VAPB: variants seen among roughly 807,000 people sequenced by gnomAD.
VAPB encodes VAMP associated protein B and C, also known as vesicle-associated membrane protein-associated protein B/C.
VAPB carries 7 observed loss-of-function variants against 25.6 expected under a neutral mutation model. The ratio of observed to expected loss-of-function variants is 0.27; its 90% confidence interval spans 0.16 to 0.51. The LOEUF (loss-of-function observed/expected upper bound fraction) is 0.51, where lower values mean the gene tolerates loss of function less well. Ranked by LOEUF, VAPB falls within the 20% of genes least tolerant of loss-of-function variation. The pLI, the probability that VAPB is intolerant of heterozygous loss-of-function variation, is 0.97. For synonymous variants in VAPB, 112 were observed against 109.2 expected (o/e 1.03, Z -0.16); for missense variants, 266 against 301.3 (o/e 0.88, Z 0.87).
chr20:58,397,929 G>A (rs1277918992), intron 1 of VAPB, among the ~76,000 whole-genome samples: 3 of 152,082 alleles, frequency 2.0e-5, no homozygotes, highest in Non-Finnish European at 4.4e-5. Flanking sequence ...ACGATGATAC[G>A]CCAGGCATAC....
intron 5 of VAPB, among the ~76,000 whole-genome samples, chr20:58,441,504 T>C (rs1056761921): frequency 6.6e-6 from 1 of 152,126 alleles, no homozygotes; most frequent in Non-Finnish European, 1.5e-5. Flanking sequence ...TAGTTGGGTG[T>C]GGTGGCAGGT....
intron 1 of VAPB, among the ~76,000 whole-genome samples, chr20:58,411,327 G>A (rs1988372570): frequency 1.3e-5 from 2 of 152,146 alleles, no homozygotes; most frequent in African/African-American, 4.8e-5. Context: ...TGTCGCCCAG[G>A]CTGAAGTGCA....
chr20:58,437,569 A>G (rs1308985843), intron 3 of VAPB, among the ~76,000 whole-genome samples: 2 of 152,200 alleles, frequency 1.3e-5, no homozygotes, highest in Non-Finnish European at 2.9e-5. Flanking sequence ...GACCATGTGA[A>G]TATCCTGCTC....
chr20:58,432,724 A>G (rs1270790223), intron 2 of VAPB, among the ~76,000 whole-genome samples: 1 of 152,212 alleles, frequency 6.6e-6, no homozygotes, highest in Non-Finnish European at 1.5e-5. Context: ...CAGGAAAAAA[A>G]CACATTGGGA....
chr20:58,423,414 C>CAAAAAAAA lies in VAPB; in HGVS notation c.211+5079_211+5086dup, dbSNP rs59133081. Among the ~76,000 whole-genome samples, 276 of 34,762 alleles carry CAAAAAAAA rather than the reference C, an allele frequency of 7.9e-3. 45 individuals are homozygous for CAAAAAAAA. The highest frequency in any genetic ancestry group is 9.7e-3 in the Non-Finnish European group (195 of 20,132). 22.8% of individuals were successfully genotyped at this position (34,762 alleles called of 152,430 possible). A position where few individuals can be genotyped will look rare whatever the true frequency, so the allele number is the denominator to read the frequency against. ...GCAACAAGAGAGAAACTCCATCTCA[C>CAAAAAAAA]AAAAAAAAAAAAAAAAAAAAAAAAA... On this transcript the variant is annotated intron_variant, in intron 2 of 5. Coordinates refer to ENST00000475243, the MANE Select transcript of VAPB (RefSeq NM_004738.5).
chr20:58,425,867 GA>G (rs1343764483), intron 2 of VAPB, among the ~76,000 whole-genome samples: 1 of 152,022 alleles, frequency 6.6e-6, no homozygotes, highest in Non-Finnish European at 1.5e-5. Flanking sequence ...TTTCCCTCCA[GA>G]ATTCTTATTT....
At chr20:58,390,502 A>G (rs1337936762) in intron 1 of VAPB, among the ~76,000 whole-genome samples, 6 of 151,604 alleles carry the variant, frequency 4.0e-5, no homozygotes, top group Non-Finnish European at 7.4e-5. Context: ...TGATGGATGC[A>G]CAAGACAGAT....
At chr20:58,406,064 T>C (rs1180307382) in intron 1 of VAPB, among the ~76,000 whole-genome samples, 2 of 151,972 alleles carry the variant, frequency 1.3e-5, no homozygotes, top group Admixed American at 1.3e-4. Context: ...ATGAGAAGCA[T>C]TGAGTTTGAG....
intron 1 of VAPB, among the ~76,000 whole-genome samples, chr20:58,396,857 G>A (rs991423594): frequency 6.6e-6 from 1 of 152,186 alleles, no homozygotes; most frequent in African/African-American, 2.4e-5. Flanking sequence ...TGTAACAATC[G>A]TATGAGATGA....
intron 2 of VAPB, among the ~76,000 whole-genome samples, chr20:58,426,585 A>G (rs775017660): frequency 1.3e-5 from 2 of 152,200 alleles, no homozygotes; most frequent in Non-Finnish European, 2.9e-5. Context: ...AGGCCTGCCA[A>G]TAAGAGACCA....
At position 58,447,907 on chromosome 20, in the gene VAPB, A is replaced by C. The variant is rs1489435686; in HGVS notation, c.*3672A>C. ...TCTTGGGCTTCCCAGTGTCACTTTG[A>C]ACACCTGAATAACATTTAACTCCTG... On this transcript the variant is annotated 3_prime_UTR_variant, in exon 6 of 6. Transcript: ENST00000475243. The C allele has an allele frequency of 2.2e-6, 1 of 453,440 alleles. No homozygotes were observed. Among genetic ancestry groups the C allele is most frequent in the South Asian group, 1.6e-5 (1 of 64,432 alleles). 28.1% of individuals were successfully genotyped at this position (453,440 alleles called of 1,614,324 possible).
chr20:58,393,741 GTTTTT>G lies in VAPB; in HGVS notation c.58+4228_58+4232del, dbSNP rs534640471. Among the ~76,000 whole-genome samples, 448 of 132,956 alleles carry G rather than the reference GTTTTT, an allele frequency of 3.4e-3. 2 individuals carry two copies. Among genetic ancestry groups the G allele is most frequent in the African/African-American group, 0.012 (430 of 35,936 alleles). The allele number at this position is 132,956 out of a possible 152,430, so 87.2% of individuals were successfully genotyped here. A position where few individuals can be genotyped will look rare whatever the true frequency, so the allele number is the denominator to read the frequency against. On this transcript the variant is annotated intron_variant, in intron 1 of 5. Coordinates refer to ENST00000475243, the MANE Select transcript of VAPB (RefSeq NM_004738.5). Reference sequence around the variant, plus strand: ...GTTTTGTTTTGTTTTGTTTTGTTTTGTTTTTTTTGAGATGGAGTTTGGCTCTTGTT... The same window carrying G: ...GTTTTGTTTTGTTTTGTTTTGTTTTGTTTGAGATGGAGTTTGGCTCTTGTT...
At chr20:58,396,728 A>C (rs1987967340) in intron 1 of VAPB, among the ~76,000 whole-genome samples, 1 of 152,256 alleles carries the variant, frequency 6.6e-6, no homozygotes, top group African/African-American at 2.4e-5. Flanking sequence ...GGGTAAAGAA[A>C]GGTAAAGAAG....
intron 2 of VAPB, among the ~76,000 whole-genome samples, chr20:58,426,695 A>G (rs183032130): frequency 3.6e-4 from 55 of 152,330 alleles, no homozygotes; most frequent in Admixed American, 1.4e-3. Context: ...AGGAATTACC[A>G]TGATACAAGT....
chr20:58,396,318 G>A (rs1484214294), intron 1 of VAPB, among the ~76,000 whole-genome samples: 1 of 152,126 alleles, frequency 6.6e-6, no homozygotes, highest in Non-Finnish European at 1.5e-5. Context: ...CACATTGGCC[G>A]ATACCTATAA....
intron 1 of VAPB, among the ~76,000 whole-genome samples, chr20:58,400,829 A>G (rs554972430): frequency 5.9e-5 from 9 of 152,328 alleles, no homozygotes; most frequent in South Asian, 2.1e-4. Context: ...TGAATTCTCA[A>G]TCTGTTGGTT....
At chr20:58,425,159 A>T (rs756384630) in intron 2 of VAPB, among the ~76,000 whole-genome samples, 10 of 152,182 alleles carry the variant, frequency 6.6e-5, no homozygotes, top group African/African-American at 9.7e-5. Flanking sequence ...AAAAAAGTGG[A>T]TCAGTGACTT....
At chr20:58,414,629 C>A (rs946813254) in intron 1 of VAPB, among the ~76,000 whole-genome samples, 1 of 149,968 alleles carries the variant, frequency 6.7e-6, no homozygotes, top group Admixed American at 6.6e-5. Flanking sequence ...AGACGATGGG[C>A]GGCCGGGCAG....
Position 58,421,691 on chromosome 20 carries a change from G to A in VAPB, c.211+3328G>A, listed in dbSNP as rs144558038. Among the ~76,000 whole-genome samples the A allele has an allele frequency of 9.7e-3, 1,480 of 152,118 alleles. 12 individuals carry two copies. The highest frequency in any genetic ancestry group is 0.017 in the Non-Finnish European group (1,142 of 67,984). ...TCATTATTTTAAAGAGAGGAGGGAGGGAGGGGGAAGGAAAGAAAGAGAGGA... is the reference window on the plus strand; with the variant it reads ...TCATTATTTTAAAGAGAGGAGGGAGAGAGGGGGAAGGAAAGAAAGAGAGGA... On this transcript the variant is annotated intron_variant, in intron 2 of 5. Coordinates refer to ENST00000475243, the MANE Select transcript of VAPB (RefSeq NM_004738.5).
Sources: allele counts gnomAD v4.1 joint callset (sites outside exome capture counted in the v4.1 genomes callset), GRCh38; gene constraint gnomAD v4.1.1; transcripts MANE v1.5; gene names NCBI Gene and HGNC (gene_info 2026-07-23, HGNC 2026-07-21).